The following SMPDL3B variants were observed in gnomAD, a reference collection of about 807,000 sequenced individuals.
SMPDL3B encodes the protein sphingomyelin phosphodiesterase acid like 3B.
SMPDL3B carries 31 observed loss-of-function variants against 37.9 expected under a neutral mutation model. The observed-to-expected ratio is 0.82, with a 90% CI of 0.61 to 1.10. SMPDL3B has a LOEUF of 1.10. Ranked by LOEUF, SMPDL3B falls within the 50% of genes least tolerant of loss-of-function variation. The pLI is 0.00. For synonymous variants in SMPDL3B, 235 were observed against 242.6 expected (o/e 0.97, Z 0.29); for missense variants, 525 against 597.8 (o/e 0.88, Z 1.27).
intron 1 of SMPDL3B, among the ~76,000 whole-genome samples, chr1:27,939,354 T>C (rs1433300369): frequency 6.6e-6 from 1 of 152,206 alleles, no homozygotes; most frequent in Non-Finnish European, 1.5e-5. Context: ...TTTTTTATCT[T>C]ATTTTTCTTT....
At position 27,953,276 on chromosome 1, in the gene SMPDL3B, T is replaced by C. The variant is rs545029087; in HGVS notation, c.435T>C (p.Ala145=). Residue 145 remains alanine, a synonymous_variant, in exon 4 of 8, where the codon GCT becomes GCC. Transcript: ENST00000373894. The part of the protein sequence containing the change: ...HDFHPKNQFP[A]GSNNIYNQIA... ...TTCACCCCAAAAACCAGTTCCCAGC[T>C]GGAAGTAACAACATCTACAATCAGA... 1.5e-5 allele frequency: 25 copies of C among 1,613,756 alleles called. No individual in the cohort carries two copies. The South Asian group carries it at 2.7e-4, about 18-fold the overall frequency.
At chr1:27,950,197 C>T (rs1433319960) in intron 3 of SMPDL3B, among the ~76,000 whole-genome samples, 1 of 152,216 alleles carries the variant, frequency 6.6e-6, no homozygotes, top group Non-Finnish European at 1.5e-5. Flanking sequence ...TGCCTGGATG[C>T]TTCCAGGTTA....
At chr1:27,952,332 G>A (rs1392070583) in intron 3 of SMPDL3B, among the ~76,000 whole-genome samples, 2 of 152,174 alleles carry the variant, frequency 1.3e-5, no homozygotes, top group Non-Finnish European at 2.9e-5. Flanking sequence ...GGGTGTGTTA[G>A]AGATATTTCC....
Position 27,945,968 on chromosome 1 carries a change from C to T in SMPDL3B, c.275+523C>T, listed in dbSNP as rs1353330458. On this transcript the variant is annotated intron_variant, in intron 2 of 7. Coordinates refer to ENST00000373894, the MANE Select transcript of SMPDL3B (RefSeq NM_014474.4). The surrounding 1 kb of genome is among the most constrained non-coding windows in gnomAD (Gnocchi z 4.0). Reference sequence around the variant, plus strand: ...TGACAGCTTGAGGGCCGATCCCACTCAGCCGCAGAGACCCAGTTTCTGCTT... The same window carrying T: ...TGACAGCTTGAGGGCCGATCCCACTTAGCCGCAGAGACCCAGTTTCTGCTT... Among the ~76,000 whole-genome samples, 2 of 152,210 alleles carry T rather than the reference C, an allele frequency of 1.3e-5. No homozygotes were observed. The highest frequency in any genetic ancestry group is 4.8e-5 in the African/African-American group (2 of 41,442).
Position 27,958,821 on chromosome 1 carries a change from T to G in SMPDL3B, c.1351T>G (p.Cys451Gly), listed in dbSNP as rs919530400. ...GCTGCTGATGGCCCTGCTGGGCCTG[T>G]GCACGCTCGTGCTGTGACCTGCCAG... Reference protein sequence around the residue: ...PLLLMALLGLCTLVL With the variant: ...PLLLMALLGLGTLVL The change falls in exon 8 of 8, where the codon TGC becomes GGC. Residue 451 changes from cysteine (C) to glycine (G), a missense_variant. Transcript: ENST00000373894. This position sits in a 1 kb window ranked among gnomAD's most constrained non-coding sequence, Gnocchi z 5.6. The G allele has an allele frequency of 1.3e-6, 2 of 1,593,624 alleles. No individual in the cohort carries two copies. Among genetic ancestry groups the G allele is most frequent in the African/African-American group, 1.3e-5 (1 of 74,612 alleles).
chr1:27,940,925 G>A (rs945673833), intron 1 of SMPDL3B, among the ~76,000 whole-genome samples: 1 of 152,150 alleles, frequency 6.6e-6, no homozygotes, highest in Admixed American at 6.5e-5. Flanking sequence ...CGTTGGGATT[G>A]TCCTCTATGA....
chr1:27,937,115 T>C (rs905550479), intron 1 of SMPDL3B, among the ~76,000 whole-genome samples: 3 of 152,180 alleles, frequency 2.0e-5, no homozygotes, highest in Admixed American at 6.5e-5. Context: ...GAAGCACAGG[T>C]GGATTCTGAG....
intron 6 of SMPDL3B, 34 bp from the exon 7 acceptor site, chr1:27,955,915 G>A: frequency 6.2e-7 from 1 of 1,613,228 alleles, no homozygotes; most frequent in Non-Finnish European, 8.5e-7. Flanking sequence ...TCTCTCCCCA[G>A]ACCCGCTCAG....
At chr1:27,957,358 C>T (rs1638319630) in intron 7 of SMPDL3B, among the ~76,000 whole-genome samples, 1 of 152,158 alleles carries the variant, frequency 6.6e-6, no homozygotes, top group African/African-American at 2.4e-5. Context: ...ATCCAGGAGG[C>T]TTCCAAGGCT....
At chr1:27,956,172 CCTGACCA>C in intron 7 of SMPDL3B, 90 bp downstream of exon 7, 1 of 1,612,008 alleles carries the variant, frequency 6.2e-7, no homozygotes, top group South Asian at 1.1e-5. Flanking sequence ...TCCACCTTCC[CCTGACCA>C]CTGAGCCTCA....
chr1:27,958,565 T>C lies in SMPDL3B; in HGVS notation c.1095T>C (p.Tyr365=), dbSNP rs1259987693. The change falls in exon 8 of 8, where the codon TAT becomes TAC. Residue 365 remains tyrosine, a synonymous_variant. Coordinates refer to ENST00000373894, the MANE Select transcript of SMPDL3B (RefSeq NM_014474.4). This position sits in a 1 kb window ranked among gnomAD's most constrained non-coding sequence, Gnocchi z 5.6. ...TCGAGTACCAGCTGACCGAGGCCTA[T>C]GGGGTGCCGGACGCCAGCGCCCACT... ...WELEYQLTEA[Y]GVPDASAHSM... is the part of the protein sequence containing the mutation. 1.9e-6 allele frequency: 3 copies of C among 1,613,790 alleles called. No individual in the cohort carries two copies. The highest frequency in any genetic ancestry group is 1.7e-5 in the Admixed American group (1 of 60,004).
chr1:27,958,985 C>A lies in SMPDL3B; in HGVS notation c.*147C>A. ...TCAGGAAGCGAAGCCCCAGGAGCTG[C>A]AGCCATCCGTGATCGCGCCACTGCA... On this transcript the variant is annotated 3_prime_UTR_variant, in exon 8 of 8. Coordinates refer to ENST00000373894, the MANE Select transcript of SMPDL3B (RefSeq NM_014474.4). This position sits in a 1 kb window ranked among gnomAD's most constrained non-coding sequence, Gnocchi z 5.6. The A allele has an allele frequency of 1.0e-6, 1 of 1,000,742 alleles. No homozygotes were observed. The highest frequency in any genetic ancestry group is 1.4e-6 in the Non-Finnish European group (1 of 704,602). The allele number at this position is 1,000,742 out of a possible 1,614,324, so 62.0% of individuals were successfully genotyped here.
chr1:27,953,225 C>A lies in SMPDL3B; in HGVS notation c.384C>A (p.Val128=). The A allele has an allele frequency of 6.2e-7, 1 of 1,612,944 alleles. No individual in the cohort carries two copies. Among genetic ancestry groups the A allele is most frequent in the Non-Finnish European group, 8.5e-7 (1 of 1,179,340 alleles). Reference sequence around the variant, plus strand: ...ACCCTTTCTTCCTAGATACTAAAGTCTATGCTGCTTTGGGAAATCATGATT... The same window carrying A: ...ACCCTTTCTTCCTAGATACTAAAGTATATGCTGCTTTGGGAAATCATGATT... ...LIREVFPDTK[V]YAALGNHDFH... Residue 128 remains valine, a synonymous_variant, in exon 4 of 8, where the codon GTC becomes GTA. Transcript: ENST00000373894.
chr1:27,945,162 C>T lies in SMPDL3B; in HGVS notation c.62-70C>T, dbSNP rs888446491. 1.8e-5 allele frequency: 26 copies of T among 1,478,568 alleles called. No individual in the cohort carries two copies. Among genetic ancestry groups the T allele is most frequent in the Non-Finnish European group, 2.3e-5 (24 of 1,061,268 alleles). The allele number at this position is 1,478,568 out of a possible 1,614,324, so 91.6% of individuals were successfully genotyped here. A position where few individuals can be genotyped will look rare whatever the true frequency, so the allele number is the denominator to read the frequency against. ...AACGCCCCTGCCCCAGCCCAGGGCT[C>T]CCCTGGACTTCCTTGCTTCCAGGCT... On this transcript the variant is annotated intron_variant, in intron 1 of 7. Transcript: ENST00000373894. The surrounding 1 kb of genome is among the most constrained non-coding windows in gnomAD (Gnocchi z 4.0).
Position 27,945,360 on chromosome 1 carries a change from T to G in SMPDL3B, c.190T>G (p.Cys64Gly), listed in dbSNP as rs1391110404. 2 of 1,614,214 alleles carry G rather than the reference T, an allele frequency of 1.2e-6. No individual in the cohort carries two copies. The highest frequency in any genetic ancestry group is 1.7e-6 in the Non-Finnish European group (2 of 1,180,022). The stretch of plus-strand genomic sequence containing the variant: ...CGCAGGCCCCTGGGGTGACTACCTC[T>G]GTGATTCTCCCTGGGCCCTCATCAA... ...PDAGPWGDYL[C>G]DSPWALINSS... Residue 64 changes from cysteine to glycine, a missense_variant, in exon 2 of 8, where the codon TGT (cysteine) becomes GGT (glycine). Cys to Gly is a radical substitution (Grantham distance 159). Transcript: ENST00000373894. The surrounding 1 kb of genome is among the most constrained non-coding windows in gnomAD (Gnocchi z 4.0).
chr1:27,955,374 A>G (rs547760608), intron 5 of SMPDL3B, among the ~76,000 whole-genome samples: 2 of 152,338 alleles, frequency 1.3e-5, no homozygotes, highest in African/African-American at 4.8e-5. Flanking sequence ...AAGCTCTCCA[A>G]GAGAAGAGTA....
intron 1 of SMPDL3B, among the ~76,000 whole-genome samples, 190 bp downstream of exon 1, chr1:27,935,434 G>A (rs1309923810): frequency 1.3e-5 from 2 of 152,158 alleles, no homozygotes; most frequent in Non-Finnish European, 2.9e-5. Flanking sequence ...AAGTGGAGGC[G>A]CCAGCTGGCC....
chr1:27,958,534 G>A lies in SMPDL3B; in HGVS notation c.1064G>A (p.Trp355Ter). The A allele has an allele frequency of 6.2e-7, 1 of 1,613,808 alleles. No homozygotes were observed. The highest frequency in any genetic ancestry group is 8.5e-7 in the Non-Finnish European group (1 of 1,179,854). Residue 355 changes from tryptophan (W) to a stop codon, truncating the protein, a stop_gained, in exon 8 of 8, where the codon TGG (tryptophan) becomes TAG (stop). Transcript: ENST00000373894. LOFTEE classifies it low-confidence loss of function (END_TRUNC). The surrounding 1 kb of genome is among the most constrained non-coding windows in gnomAD (Gnocchi z 5.6). ...SQANAQGTPR[W>*]ELEYQLTEAY... Reference sequence around the variant, plus strand: ...GCGAATGCTCAGGGGACGCCGCGCTGGGAGCTCGAGTACCAGCTGACCGAG... The same window carrying A: ...GCGAATGCTCAGGGGACGCCGCGCTAGGAGCTCGAGTACCAGCTGACCGAG...
chr1:27,938,017 T>A (rs1383414657), intron 1 of SMPDL3B, among the ~76,000 whole-genome samples: 1 of 152,160 alleles, frequency 6.6e-6, no homozygotes, highest in African/African-American at 2.4e-5. Context: ...TCTGCATAAA[T>A]GCCCCTTAAT....
Sources: allele counts gnomAD v4.1 joint callset (sites outside exome capture counted in the v4.1 genomes callset), GRCh38; gene constraint gnomAD v4.1.1; non-coding constraint Gnocchi (gnomAD v3.1); transcripts MANE v1.5; gene names NCBI Gene and HGNC (gene_info 2026-07-23, HGNC 2026-07-21).